DCN: variants seen among roughly 807,000 people sequenced by gnomAD.
DCN encodes bone proteoglycan II.
Under a neutral mutation model 36.5 loss-of-function variants are expected in DCN, and 17 were observed. The observed-to-expected ratio is 0.47, with a 90% CI of 0.32 to 0.70. DCN has a LOEUF of 0.70. DCN is among the 30% of genes least tolerant of loss of function. The pLI is 0.04. For missense variants in DCN, 389 were observed against 430.1 expected (o/e 0.90, Z 0.84); for synonymous variants, 163 against 161.4 (o/e 1.01, Z -0.07).
chr12:91,167,236 G>C (rs1375021034), intron 2 of DCN, among the ~76,000 whole-genome samples: 1 of 152,014 alleles, frequency 6.6e-6, no homozygotes, highest in Non-Finnish European at 1.5e-5. Flanking sequence ...TAACTAGCTT[G>C]CTCAAAGACA....
At chr12:91,163,586 C>A (rs747036580) in intron 3 of DCN, among the ~76,000 whole-genome samples, 2 of 152,116 alleles carry the variant, frequency 1.3e-5, no homozygotes, top group Non-Finnish European at 1.5e-5. Context: ...TCCATGAAAC[C>A]CCTTTGTGAG....
rs1880747781 is a variant in DCN, at chr12:91,141,291, A to G, written c.*4767T>C. The G allele has an allele frequency of 6.6e-6, 1 of 152,136 alleles. No homozygotes were observed. The highest frequency in any genetic ancestry group is 6.6e-5 in the Admixed American group (1 of 15,260). The allele number at this position is 152,136 out of a possible 1,614,324, so 9.4% of individuals were successfully genotyped here. On this transcript the variant is annotated 3_prime_UTR_variant, in exon 8 of 8. Transcript: ENST00000052754. ...TCTTCTTGCTCACTTTACTCTGCTC[A>G]CGTTTGTCCTCTCTGCTCTTGTTGG...
In DCN at chr12:91,145,586, C is replaced by A; in HGVS notation, c.*472G>T. ...AATAATGACATTAGTAAAAATTTTA[C>A]ATAGCCTGTATTGAATTCACACATT... On this transcript the variant is annotated 3_prime_UTR_variant, in exon 8 of 8. Transcript: ENST00000052754. 6.1e-6 allele frequency: 1 copy of A among 164,976 alleles called. No homozygotes were observed. Among genetic ancestry groups the A allele is most frequent in the Non-Finnish European group, 1.3e-5 (1 of 74,444 alleles). 10.2% of individuals were successfully genotyped at this position (164,976 alleles called of 1,614,324 possible).
intron 3 of DCN, among the ~76,000 whole-genome samples, chr12:91,159,174 C>T (rs1193308044): frequency 6.6e-6 from 1 of 151,966 alleles, no homozygotes; most frequent in African/African-American, 2.4e-5. Context: ...TAATCAATGC[C>T]ACAGACATCC....
chr12:91,147,755 T>A (rs760785951), intron 7 of DCN, among the ~76,000 whole-genome samples: 69 of 152,308 alleles, frequency 4.5e-4, no homozygotes, highest in Non-Finnish European at 7.5e-4. Context: ...AAGAAATTCT[T>A]AAATATTTAA....
intron 2 of DCN, chr12:91,173,015 A>C (rs1045306369): frequency 7.9e-5 from 34 of 432,218 alleles, no homozygotes; most frequent in Non-Finnish European, 1.2e-4. Context: ...TACAGAAGTT[A>C]AAGCAGTCCA....
rs71097880 is a variant in DCN, at chr12:91,169,378, C to CTAAAAAAA, written c.212-4662_212-4661insTTTTTTTA. On this transcript the variant is annotated intron_variant, in intron 2 of 7. Coordinates refer to ENST00000052754, the MANE Select transcript of DCN (RefSeq NM_001920.5). ...CCTAGGCAACAGGGGGAGATCCTGT[C>CTAAAAAAA]AAAAAAAAAAAAAAAAAAAAAAACC... Among the ~76,000 whole-genome samples, 569 of 73,214 alleles carry CTAAAAAAA rather than the reference C, an allele frequency of 7.8e-3. 77 individuals carry two copies. Among genetic ancestry groups the CTAAAAAAA allele is most frequent in the East Asian group, 0.053 (114 of 2,140 alleles). The allele number at this position is 73,214 out of a possible 152,430, so 48.0% of individuals were successfully genotyped here. A position where few individuals can be genotyped will look rare whatever the true frequency, so the allele number is the denominator to read the frequency against.
At chr12:91,168,892 T>C (rs917517253) in intron 2 of DCN, among the ~76,000 whole-genome samples, 17 of 152,332 alleles carry the variant, frequency 1.1e-4, no homozygotes, top group African/African-American at 4.1e-4. Flanking sequence ...TTTTTCTGTC[T>C]AATAGAGTGA....
chr12:91,171,117 C>T (rs1046980465), intron 2 of DCN, among the ~76,000 whole-genome samples: 3 of 151,876 alleles, frequency 2.0e-5, no homozygotes, highest in African/African-American at 7.3e-5. Context: ...AAAAAATGTT[C>T]CATAATGAAA....
At chr12:91,153,488 A>G (rs750971352) in intron 5 of DCN, among the ~76,000 whole-genome samples, 2 of 152,116 alleles carry the variant, frequency 1.3e-5, no homozygotes, top group Non-Finnish European at 2.9e-5. Flanking sequence ...GAGTCTCATT[A>G]TTCTCTTCCA....
chr12:91,177,743 A>G (rs1370095850), intron 2 of DCN: 1 of 694,826 alleles, frequency 1.4e-6, no homozygotes, highest in Non-Finnish European at 2.6e-6. Context: ...GAAACTTTCT[A>G]AAGAATATAA....
chr12:91,182,126 T>C (rs1356500549), intron 1 of DCN, among the ~76,000 whole-genome samples: 2 of 152,136 alleles, frequency 1.3e-5, no homozygotes, highest in Non-Finnish European at 2.9e-5. Flanking sequence ...ATATTTTCAA[T>C]GTTTATTTTC....
At chr12:91,178,199 T>C (rs1173239851) in intron 2 of DCN, 143 bp downstream of exon 2, 2 of 737,986 alleles carry the variant, frequency 2.7e-6, no homozygotes, top group Non-Finnish European at 2.4e-6. Context: ...CTTTCTATCC[T>C]GTTCTGCTTC....
chr12:91,163,141 C>A (rs1175747031), intron 3 of DCN, among the ~76,000 whole-genome samples: 2 of 152,184 alleles, frequency 1.3e-5, no homozygotes, highest in Non-Finnish European at 2.9e-5. Flanking sequence ...CACACTCATT[C>A]TACAGATAGA....
At chr12:91,159,217 A>G (rs999320044) in intron 3 of DCN, among the ~76,000 whole-genome samples, 53 of 152,198 alleles carry the variant, frequency 3.5e-4, no homozygotes, top group Admixed American at 3.4e-3. Context: ...TTAAAAGTCC[A>G]TCTTCATTGA....
At chr12:91,146,960 G>T (rs779750743) in intron 7 of DCN, among the ~76,000 whole-genome samples, 22 of 152,086 alleles carry the variant, frequency 1.4e-4, no homozygotes, top group South Asian at 6.2e-4. Flanking sequence ...GATTGAAGTT[G>T]CCCTGATTAT....
At chr12:91,161,576 A>G (rs1882157522) in intron 3 of DCN, among the ~76,000 whole-genome samples, 1 of 152,146 alleles carries the variant, frequency 6.6e-6, no homozygotes, top group African/African-American at 2.4e-5. Flanking sequence ...AGGTGAAGTG[A>G]GGGGGAGTTG....
chr12:91,157,201 T>C lies in DCN; in HGVS notation c.539-13A>G, dbSNP rs757186299. On this transcript the variant is annotated splice_polypyrimidine_tract_variant and intron_variant, in intron 4 of 7. Coordinates refer to ENST00000052754, the MANE Select transcript of DCN (RefSeq NM_001920.5). ...TTGGTGCCCAGTTCTACAAATGTAA[T>C]AAGTGCAAGGCTTTTAGAGGAAATT... is the stretch of plus-strand genomic sequence containing the variant. 31 of 1,583,666 alleles carry C rather than the reference T, an allele frequency of 2.0e-5. No homozygotes were observed. The highest frequency in any genetic ancestry group is 2.7e-5 in the Non-Finnish European group (31 of 1,152,314).
intron 1 of DCN, among the ~76,000 whole-genome samples, chr12:91,179,977 C>T (rs1045262476): frequency 6.6e-6 from 1 of 152,076 alleles, no homozygotes; most frequent in Non-Finnish European, 1.5e-5. Flanking sequence ...AAGCACGAAT[C>T]TATGTTGTTA....
Sources: gnomAD v4.1 joint callset for allele counts (sites outside exome capture counted in the v4.1 genomes callset) on GRCh38, gnomAD v4.1.1 for gene constraint, MANE v1.5 for transcripts, NCBI Gene and HGNC (gene_info 2026-07-23, HGNC 2026-07-21) for gene names.